The following CFAP54 variants were observed in gnomAD, a reference collection of about 807,000 sequenced individuals.
CFAP54 encodes the protein cilia- and flagella-associated protein 54.
A neutral mutation model predicts 370.4 loss-of-function variants in CFAP54; 290 were observed. That is an observed-to-expected ratio of 0.78 (90% CI 0.71 to 0.86). The LOEUF (loss-of-function observed/expected upper bound fraction) is 0.86. Ranked by LOEUF, CFAP54 falls within the 40% of genes least tolerant of loss-of-function variation. CFAP54 has a pLI of 0.00. For synonymous variants in CFAP54, 1,206 were observed against 1,236.5 expected, an observed-to-expected ratio of 0.98 and a Z score of 0.52; for missense variants, 3,399 against 3,528.7, an observed-to-expected ratio of 0.96 and a Z score of 0.93.
At chr12:96,731,129 C>T (rs1404824483) in intron 50 of CFAP54, among the ~76,000 whole-genome samples, 1 of 152,182 alleles carries the variant, frequency 6.6e-6, no homozygotes, top group East Asian at 1.9e-4. Context: ...CTTCTGGCGC[C>T]TCACCATGAA....
At chr12:96,727,478 A>G (rs1957857203) in intron 50 of CFAP54, among the ~76,000 whole-genome samples, 1 of 142,228 alleles carries the variant, frequency 7.0e-6, no homozygotes, top group African/African-American at 2.7e-5. Context: ...AGTCTGTTTT[A>G]TCAGAGACTA....
intron 66 of CFAP54, among the ~76,000 whole-genome samples, chr12:96,830,963 G>A (rs1306960627): frequency 6.6e-6 from 1 of 150,726 alleles, no homozygotes; most frequent in Non-Finnish European, 1.5e-5. Flanking sequence ...GGTGTGAACC[G>A]CTGAGCCCAG....
chr12:96,743,933 G>A (rs1661428516), intron 54 of CFAP54, 23 bp downstream of exon 54: 9 of 1,604,168 alleles, frequency 5.6e-6, no homozygotes, highest in South Asian at 1.1e-5. Flanking sequence ...TTGTGTCTGC[G>A]AGACATAGAA....
intron 67 of CFAP54, among the ~76,000 whole-genome samples, chr12:96,872,878 GA>G (rs1960204937): frequency 6.6e-6 from 1 of 152,158 alleles, no homozygotes; most frequent in African/African-American, 2.4e-5. Flanking sequence ...CCCAAACTAA[GA>G]CAGCTCCAGG....
rs562413714 is a variant in CFAP54 at position 96,508,865 on chromosome 12, T to C, written c.739+1766T>C. On this transcript the variant is annotated intron_variant, in intron 4 of 67. Transcript: ENST00000524981. ...CACCTGGTTTGCCTGACCTCTCTAA[T>C]TGCACAAATAATTCTGCAATGAATA... Among the ~76,000 whole-genome samples, 7 of 152,302 alleles carry C rather than the reference T, an allele frequency of 4.6e-5. No homozygotes were observed. In the South Asian group the frequency reaches 1.4e-3, roughly 32 times the overall value.
At chr12:96,791,000 G>C (rs1191432614) in intron 62 of CFAP54, among the ~76,000 whole-genome samples, 1 of 152,138 alleles carries the variant, frequency 6.6e-6, no homozygotes, top group Non-Finnish European at 1.5e-5. Context: ...GAGGGACAAA[G>C]CCTTATAGAA....
At chr12:96,630,270 T>C (rs1158410232) in intron 31 of CFAP54, 66 bp downstream of exon 31, 2 of 814,120 alleles carry the variant, frequency 2.5e-6, no homozygotes, top group Non-Finnish European at 3.8e-6. Flanking sequence ...CTAGAGATGA[T>C]TGGCTACATT....
chr12:96,513,426 G>T (rs1955195726), intron 5 of CFAP54, among the ~76,000 whole-genome samples: 2 of 152,132 alleles, frequency 1.3e-5, no homozygotes, highest in South Asian at 4.1e-4. Context: ...GTAATTATCA[G>T]TAGTGCCCAC....
rs185697752 is a variant in CFAP54, at chr12:96,861,209, T to A, written c.*14+257T>A. Among the ~76,000 whole-genome samples the A allele has an allele frequency of 1.2e-3, 178 of 152,350 alleles. 1 individual carries two copies. The highest frequency in any genetic ancestry group is 4.0e-3 in the African/African-American group (168 of 41,590). On this transcript the variant is annotated intron_variant, in intron 67 of 67. Transcript: ENST00000524981. ...AACTGTTTTCACATTTGGAGTCATT[T>A]ATGTTTAGGTTGTTTTTGGACAGGT...
At position 96,594,912 on chromosome 12, in the gene CFAP54, T is replaced by C. The variant is rs375361215; in HGVS notation, c.3516+466T>C. The stretch of plus-strand genomic sequence containing the variant: ...TGAAGGGATTATATAGTTTTTCATG[T>C]TTCTTAACATATCACCATGGATTTA... On this transcript the variant is annotated intron_variant, in intron 25 of 67. Coordinates refer to ENST00000524981, the MANE Select transcript of CFAP54 (RefSeq NM_001306084.2). Among the ~76,000 whole-genome samples the C allele has an allele frequency of 5.3e-4, 80 of 152,300 alleles. No individual in the cohort carries two copies. In the South Asian group the frequency reaches 9.5e-3, roughly 18 times the overall value.
intron 17 of CFAP54, among the ~76,000 whole-genome samples, chr12:96,563,152 G>A (rs1955833404): frequency 6.6e-6 from 1 of 151,908 alleles, no homozygotes; most frequent in African/African-American, 2.4e-5. Context: ...TTCTCTAATT[G>A]TCATCCATAA....
At chr12:96,872,605 C>T (rs1011098995) in intron 67 of CFAP54, among the ~76,000 whole-genome samples, 1 of 152,156 alleles carries the variant, frequency 6.6e-6, no homozygotes, top group Non-Finnish European at 1.5e-5. Flanking sequence ...TGACATAGTT[C>T]TAAATGTGTT....
At chr12:96,776,920 G>GA (rs1423889366) in intron 60 of CFAP54, among the ~76,000 whole-genome samples, 1 of 152,132 alleles carries the variant, frequency 6.6e-6, no homozygotes, top group African/African-American at 2.4e-5. Flanking sequence ...ATTCCTATCA[G>GA]AAAATTCTAA....
chr12:96,696,022 A>C (rs1465920008), intron 45 of CFAP54, among the ~76,000 whole-genome samples: 1 of 152,242 alleles, frequency 6.6e-6, no homozygotes, highest in Non-Finnish European at 1.5e-5. Context: ...GAAAGAGGAA[A>C]AAATGGCTTT....
intron 1 of CFAP54, among the ~76,000 whole-genome samples, chr12:96,494,787 C>T (rs561389821): frequency 1.1e-4 from 17 of 150,930 alleles, no homozygotes; most frequent in Admixed American, 4.6e-4. Flanking sequence ...AGTGCAATGA[C>T]GCAATCTCGG....
rs192821548 is a variant in CFAP54, at chr12:96,496,183, C to T, written c.318-4651C>T. 2.9e-3 allele frequency among the ~76,000 whole-genome samples: 447 copies of T among 152,286 alleles called. 3 individuals carry two copies. The highest frequency in any genetic ancestry group is 4.3e-3 in the Non-Finnish European group (291 of 68,026). ...AGTTTGTGAAGGAGGAATGCATTGT[C>T]TCCTTCACTCAATCAGTGACTCAAT... On this transcript the variant is annotated intron_variant, in intron 1 of 67. Coordinates refer to ENST00000524981, the MANE Select transcript of CFAP54 (RefSeq NM_001306084.2).
At chr12:96,640,476 G>A (rs1093244) in intron 32 of CFAP54, among the ~76,000 whole-genome samples, 104,993 of 152,110 alleles carry the variant, frequency 0.69, 36,857 homozygotes, top group Middle Eastern at 0.73. Context: ...CAAAGAATCA[G>A]TATTGTGAAA....
At chr12:96,828,376 C>T (rs936785574) in intron 65 of CFAP54, among the ~76,000 whole-genome samples, 15 of 151,920 alleles carry the variant, frequency 9.9e-5, no homozygotes, top group African/African-American at 3.6e-4. Context: ...CTGCAGGTGG[C>T]GTGGGTTCTC....
At chr12:96,833,552 T>C (rs1959177381) in intron 66 of CFAP54, among the ~76,000 whole-genome samples, 1 of 148,268 alleles carries the variant, frequency 6.7e-6, no homozygotes, top group African/African-American at 2.6e-5. Flanking sequence ...GTGATTTGAA[T>C]GAACTAGAGT....
Sources: gnomAD v4.1 joint callset for allele counts (sites outside exome capture counted in the v4.1 genomes callset) on GRCh38, gnomAD v4.1.1 for gene constraint, MANE v1.5 for transcripts, NCBI Gene and HGNC (gene_info 2026-07-23, HGNC 2026-07-21) for gene names.